SLC38A7: variants seen among roughly 807,000 people sequenced by gnomAD.
The protein encoded by SLC38A7 is sodium-coupled neutral amino acid transporter 7.
SLC38A7 carries 29 observed loss-of-function variants against 50.1 expected under a neutral mutation model. That is an observed-to-expected ratio of 0.58 (90% CI 0.43 to 0.79). The LOEUF (loss-of-function observed/expected upper bound fraction) is 0.79. SLC38A7 is among the 30% of genes least tolerant of loss of function. SLC38A7 has a pLI of 0.00. For missense variants in SLC38A7, 483 were observed against 610.6 expected (o/e 0.79, Z 2.20); for synonymous variants, 244 against 245.9 (o/e 0.99, Z 0.07).
Position 58,678,827 on chromosome 16 carries a change from C to T in SLC38A7, c.338G>A (p.Arg113Lys), listed in dbSNP as rs1170017956. Residue 113 changes from arginine to lysine, a missense_variant, in exon 4 of 12, where the codon AGG becomes AAG. Coordinates refer to ENST00000219320, the MANE Select transcript of SLC38A7 (RefSeq NM_018231.3). The surrounding 1 kb of genome is among the most constrained non-coding windows in gnomAD (Gnocchi z 4.0). ...AGCCCATACCACCTCCTGGTAGGTC[C>T]TCTCATTGCTGGCCTGGGAGCAGTA... is the stretch of plus-strand genomic sequence containing the variant. ...LAYCSQASNE[R>K]TYQEVVWAVC... 1.9e-6 allele frequency: 3 copies of T among 1,614,198 alleles called. No homozygotes were observed. Among genetic ancestry groups the T allele is most frequent in the Admixed American group, 1.7e-5 (1 of 60,022 alleles).
In SLC38A7 at chr16:58,677,320, C is replaced by A; in HGVS notation, c.710+6G>T. ...TCCCCATGTCTCCTAGGGCCCTCAC[C>A]CTCACCTGGTCAGGATGTTCCCTGG... On this transcript the variant is annotated splice_donor_region_variant and intron_variant, in intron 6 of 11. Coordinates refer to ENST00000219320, the MANE Select transcript of SLC38A7 (RefSeq NM_018231.3). The A allele has an allele frequency of 6.2e-7, 1 of 1,613,590 alleles. No individual in the cohort carries two copies.
At chr16:58,683,368 C>A (rs532195317) in intron 2 of SLC38A7, among the ~76,000 whole-genome samples, 1 of 152,290 alleles carries the variant, frequency 6.6e-6, no homozygotes, top group African/African-American at 2.4e-5. Flanking sequence ...TGGGGACCAT[C>A]CACTCATGAG....
chr16:58,676,602 T>C (rs897307377), intron 6 of SLC38A7, among the ~76,000 whole-genome samples: 2 of 152,242 alleles, frequency 1.3e-5, no homozygotes, highest in African/African-American at 4.8e-5. Context: ...GGGCTTTTGC[T>C]TTACTGGTTT....
At chr16:58,675,504 G>A (rs911227143) in intron 8 of SLC38A7, among the ~76,000 whole-genome samples, 1 of 152,182 alleles carries the variant, frequency 6.6e-6, no homozygotes, top group Non-Finnish European at 1.5e-5. Flanking sequence ...GACAGTTTCT[G>A]AGACCCTTTC....
At chr16:58,672,366 G>A in intron 8 of SLC38A7, 123 bp from the exon 9 acceptor site, 1 of 1,061,272 alleles carries the variant, frequency 9.4e-7, no homozygotes, top group Non-Finnish European at 1.3e-6. Flanking sequence ...TTAGACGGAG[G>A]CTCAGAGTGG....
At chr16:58,679,117 T>G (rs2044331592) in intron 3 of SLC38A7, among the ~76,000 whole-genome samples, 1 of 152,196 alleles carries the variant, frequency 6.6e-6, no homozygotes, top group Admixed American at 6.5e-5. Context: ...ATAGGCTGGA[T>G]GCGATGGCTC....
Position 58,671,241 on chromosome 16 carries a change from C to T in SLC38A7, c.1035G>A (p.Ala345=), listed in dbSNP as rs1427083605. 5.6e-6 allele frequency: 9 copies of T among 1,613,524 alleles called. No homozygotes were observed. The highest frequency in any genetic ancestry group is 2.2e-5 in the East Asian group (1 of 44,866). ...AGCGCAGCCACAGGCCTTCCACCAC[C>T]GCCCTGCCCACATGGAGAAGGGCTT... The part of the protein sequence containing the change: ...SYPILHFCGR[A]VVEGLWLRYQ... The change falls in exon 10 of 12, where the codon GCG becomes GCA. Residue 345 remains alanine (A), a synonymous_variant. Coordinates refer to ENST00000219320, the MANE Select transcript of SLC38A7 (RefSeq NM_018231.3).
intron 11 of SLC38A7, among the ~76,000 whole-genome samples, chr16:58,669,408 C>T (rs1018817164): frequency 6.6e-6 from 1 of 152,096 alleles, no homozygotes; most frequent in African/African-American, 2.4e-5. Flanking sequence ...AGCCAATGCA[C>T]CTGGCTGAAA....
intron 5 of SLC38A7, among the ~76,000 whole-genome samples, chr16:58,677,894 C>T (rs571540223): frequency 1.3e-5 from 2 of 152,132 alleles, no homozygotes; most frequent in South Asian, 2.1e-4. Flanking sequence ...CACTTACAGA[C>T]GGGGAAGCCT....
At chr16:58,679,030 T>C in intron 3 of SLC38A7, 136 bp from the exon 4 acceptor site, 1 of 813,038 alleles carries the variant, frequency 1.2e-6, no homozygotes, top group Admixed American at 2.8e-5. Context: ...AAGAGACTGC[T>C]AGAGGATGCC....
At chr16:58,676,478 T>C (rs2152079278) in intron 6 of SLC38A7, 132 bp from the exon 7 acceptor site, 1 of 925,988 alleles carries the variant, frequency 1.1e-6, no homozygotes, top group South Asian at 1.5e-5. Context: ...CCCACAGAAG[T>C]CTGGGAACAG....
In SLC38A7 at chr16:58,679,942, T is replaced by A. The variant is rs1189654636; in HGVS notation, c.185A>T (p.Asn62Ile). The change falls in exon 3 of 12, where the codon AAC (asparagine) becomes ATC (isoleucine). Residue 62 changes from asparagine to isoleucine, a missense_variant. Asn to Ile is a moderately radical substitution (Grantham distance 149). Coordinates refer to ENST00000219320, the MANE Select transcript of SLC38A7 (RefSeq NM_018231.3). ...STLGAIFIVVNACLGAGLLNF... is the reference protein window; with the variant it reads ...STLGAIFIVVIACLGAGLLNF... ...GAGTAACCCTGCACCCAGGCACGCGTTGACGACGATGAAGATGGCCCCAAG... is the reference window on the plus strand; with the variant it reads ...GAGTAACCCTGCACCCAGGCACGCGATGACGACGATGAAGATGGCCCCAAG... 4.3e-6 allele frequency: 7 copies of A among 1,611,900 alleles called. No individual in the cohort carries two copies. The highest frequency in any genetic ancestry group is 5.9e-6 in the Non-Finnish European group (7 of 1,178,566).
chr16:58,683,290 T>G (rs1182757283), intron 2 of SLC38A7, among the ~76,000 whole-genome samples: 2 of 151,736 alleles, frequency 1.3e-5, no homozygotes, highest in African/African-American at 4.8e-5. Context: ...CCACTGGGGG[T>G]TTAAAATGAC....
chr16:58,670,929 A>G, intron 10 of SLC38A7, 116 bp downstream of exon 10: 11 of 1,089,408 alleles, frequency 1.0e-5, no homozygotes, highest in Non-Finnish European at 1.5e-5. Flanking sequence ...CAGGTGATCA[A>G]TTAGTGCTGG....
At chr16:58,679,720 T>G in intron 3 of SLC38A7, 137 bp downstream of exon 3, 1 of 1,132,318 alleles carries the variant, frequency 8.8e-7, no homozygotes, top group Non-Finnish European at 1.3e-6. Context: ...TAGAATAGAT[T>G]AGTCATGTCT....
intron 9 of SLC38A7, chr16:58,671,870 T>G: frequency 4.6e-6 from 2 of 433,508 alleles, no homozygotes; most frequent in Non-Finnish European, 8.1e-6. Flanking sequence ...TGCCATGCCA[T>G]GGATAGAGAT....
At chr16:58,675,864 T>C in intron 8 of SLC38A7, 76 bp downstream of exon 8, 1 of 1,182,076 alleles carries the variant, frequency 8.5e-7, no homozygotes, top group Non-Finnish European at 1.2e-6. Context: ...CCAGGAAAGC[T>C]AGGCCCCAGG....
At position 58,665,407 on chromosome 16, in the gene SLC38A7, AGACT is replaced by A. The variant is rs1253452891; in HGVS notation, c.*1974_*1977del. 1 of 152,332 alleles carries A rather than the reference AGACT, an allele frequency of 6.6e-6. No individual in the cohort carries two copies. Among genetic ancestry groups the A allele is most frequent in the African/African-American group, 2.4e-5 (1 of 41,454 alleles). The allele number at this position is 152,332 out of a possible 1,614,324, so 9.4% of individuals were successfully genotyped here. On this transcript the variant is annotated 3_prime_UTR_variant, in exon 12 of 12. Coordinates refer to ENST00000219320, the MANE Select transcript of SLC38A7 (RefSeq NM_018231.3). ...CTGGCAGAGCTTGGTGCTGTGCCAC[AGACT>A]GACAGAAAACAGCACAGTGGGTCTG...
At chr16:58,672,023 A>G in intron 9 of SLC38A7, 73 bp downstream of exon 9, 2 of 1,387,112 alleles carry the variant, frequency 1.4e-6, no homozygotes, top group Non-Finnish European at 1.9e-6. Flanking sequence ...TGGGGTCCAC[A>G]CAAGGCCAAA....
Sources: allele counts gnomAD v4.1 joint callset (sites outside exome capture counted in the v4.1 genomes callset), GRCh38; gene constraint gnomAD v4.1.1; non-coding constraint Gnocchi (gnomAD v3.1); transcripts MANE v1.5; gene names NCBI Gene and HGNC (gene_info 2026-07-23, HGNC 2026-07-21).